The following ADAMTSL1 variants were observed in gnomAD, a reference collection of about 807,000 sequenced individuals.
The protein encoded by ADAMTSL1 is ADAMTS-like protein 1.
A neutral mutation model predicts 201.8 loss-of-function variants in ADAMTSL1; 126 were observed. The observed-to-expected ratio is 0.62, with a 90% confidence interval of 0.54 to 0.72. ADAMTSL1 has a LOEUF of 0.72. Among genes scored for constraint, ADAMTSL1 ranks in the 30% least tolerant of loss-of-function variants. The pLI, the probability that ADAMTSL1 is intolerant of heterozygous loss-of-function variation, is 0.00. For missense variants in ADAMTSL1, 2,679 were observed against 2,277.8 expected (o/e 1.18, Z -3.59); for synonymous variants, 1,121 against 903.4 (o/e 1.24, Z -4.32).
intron 21 of ADAMTSL1, among the ~76,000 whole-genome samples, chr9:18,818,418 G>A (rs534035063): frequency 6.6e-6 from 1 of 152,226 alleles, no homozygotes; most frequent in East Asian, 1.9e-4. Context: ...TAAGTAGGAG[G>A]AATATCTTAA....
At chr9:18,361,241 A>T (rs932604830) in intron 2 of ADAMTSL1, among the ~76,000 whole-genome samples, 6 of 152,228 alleles carry the variant, frequency 3.9e-5, no homozygotes, top group Admixed American at 2.6e-4. Context: ...TATAAGGAGC[A>T]TTAAAGTCAC....
intron 15 of ADAMTSL1, among the ~76,000 whole-genome samples, chr9:18,722,653 A>T (rs920851740): frequency 2.6e-5 from 4 of 152,194 alleles, no homozygotes; most frequent in African/African-American, 4.8e-5. Context: ...GGCACATCCC[A>T]TGGTGACACT....
intron 2 of ADAMTSL1, among the ~76,000 whole-genome samples, chr9:18,209,233 C>T (rs1009527777): frequency 6.7e-6 from 1 of 150,008 alleles, no homozygotes; most frequent in Non-Finnish European, 1.5e-5. Flanking sequence ...CAAAAATGCA[C>T]ATAAAAATTA....
intron 1 of ADAMTSL1, among the ~76,000 whole-genome samples, chr9:18,051,739 T>A (rs1301813205): frequency 6.6e-6 from 1 of 152,186 alleles, no homozygotes; most frequent in African/African-American, 2.4e-5. Context: ...GAAGAGTGAC[T>A]TTGTCAGAAT....
intron 3 of ADAMTSL1, among the ~76,000 whole-genome samples, chr9:18,537,254 A>G (rs1819834345): frequency 6.6e-6 from 1 of 152,230 alleles, no homozygotes; most frequent in South Asian, 2.1e-4. Context: ...CAGTTGGTGC[A>G]ATGCAGAGAA....
intron 4 of ADAMTSL1, among the ~76,000 whole-genome samples, chr9:18,583,630 G>A (rs1471621210): frequency 7.2e-5 from 11 of 152,154 alleles, no homozygotes; most frequent in Non-Finnish European, 1.6e-4. Context: ...TGCACTGTGT[G>A]CCTGGATAAG....
chr9:18,493,937 A>T (rs1290440186), intron 1 of ADAMTSL1, among the ~76,000 whole-genome samples: 4 of 152,242 alleles, frequency 2.6e-5, no homozygotes, highest in African/African-American at 9.6e-5. Context: ...AGGCATATTC[A>T]TCTTTGTCAC....
At chr9:18,326,363 T>C (rs1227631878) in intron 2 of ADAMTSL1, among the ~76,000 whole-genome samples, 1 of 152,124 alleles carries the variant, frequency 6.6e-6, no homozygotes, top group Non-Finnish European at 1.5e-5. Context: ...TGTGGATGTA[T>C]TTTTTATCAA....
intron 19 of ADAMTSL1, among the ~76,000 whole-genome samples, chr9:18,790,321 A>G (rs548030388): frequency 1.5e-3 from 229 of 152,208 alleles, no homozygotes; most frequent in Non-Finnish European, 2.7e-3. Context: ...CTTGGTTCCA[A>G]TTTGGGAAGT....
intron 1 of ADAMTSL1, among the ~76,000 whole-genome samples, chr9:17,917,961 C>A (rs12351890): frequency 0.012 from 1,818 of 151,986 alleles, 38 homozygotes; most frequent in African/African-American, 0.041. Context: ...TAAAGTAGTT[C>A]ATAGTGCTCC....
chr9:18,794,986 A>G (rs1021352949), intron 19 of ADAMTSL1, among the ~76,000 whole-genome samples: 2 of 152,138 alleles, frequency 1.3e-5, no homozygotes, highest in Admixed American at 1.3e-4. Flanking sequence ...TCTTTCAACC[A>G]TCCAACCAAG....
At chr9:18,273,555 C>T (rs34536464) in intron 2 of ADAMTSL1, among the ~76,000 whole-genome samples, 6,940 of 152,156 alleles carry the variant, frequency 0.046, 245 homozygotes, top group Non-Finnish European at 0.074. Flanking sequence ...TTCTGCAGGC[C>T]CCCTGGTTAC....
chr9:17,987,104 T>C (rs1305086801), intron 1 of ADAMTSL1, among the ~76,000 whole-genome samples: 1 of 152,084 alleles, frequency 6.6e-6, no homozygotes, highest in Non-Finnish European at 1.5e-5. Flanking sequence ...TTTTATATCA[T>C]GTCTCTCTGA....
chr9:18,620,516 G>A (rs1031910835), intron 4 of ADAMTSL1, among the ~76,000 whole-genome samples: 1 of 152,188 alleles, frequency 6.6e-6, no homozygotes, highest in African/African-American at 2.4e-5. Context: ...GAATATAACA[G>A]TGAATACAGA....
At chr9:18,831,751 T>C (rs1334121130) in intron 23 of ADAMTSL1, among the ~76,000 whole-genome samples, 1 of 152,188 alleles carries the variant, frequency 6.6e-6, no homozygotes, top group African/African-American at 2.4e-5. Context: ...AGTCCCTGAA[T>C]GTAACTGCCT....
chr9:18,012,870 A>G (rs1442766874), intron 1 of ADAMTSL1, among the ~76,000 whole-genome samples: 6 of 152,028 alleles, frequency 3.9e-5, no homozygotes, highest in African/African-American at 1.4e-4. Context: ...AATGTGTATA[A>G]TGTAAATTTT....
intron 2 of ADAMTSL1, among the ~76,000 whole-genome samples, chr9:18,181,165 C>A (rs986637202): frequency 2.6e-5 from 4 of 152,290 alleles, no homozygotes; most frequent in South Asian, 2.1e-4. Context: ...AAATGTTAGA[C>A]CTAAAACCAT....
intron 15 of ADAMTSL1, chr9:18,723,446 A>G: frequency 3.6e-6 from 1 of 276,332 alleles, no homozygotes; most frequent in Non-Finnish European, 7.0e-6. Context: ...CCCTTCTTTG[A>G]GCACCAAAAC....
At chr9:18,286,275 A>G (rs1206317550) in intron 2 of ADAMTSL1, among the ~76,000 whole-genome samples, 2 of 152,216 alleles carry the variant, frequency 1.3e-5, no homozygotes, top group Non-Finnish European at 1.5e-5. Flanking sequence ...GTCTAAGCAC[A>G]TTTAAACTTA....
Sources: allele counts gnomAD v4.1 joint callset (sites outside exome capture counted in the v4.1 genomes callset), GRCh38; gene constraint gnomAD v4.1.1; transcripts MANE v1.5; gene names NCBI Gene and HGNC (gene_info 2026-07-23, HGNC 2026-07-21).